ENDOD1: variants seen among roughly 807,000 people sequenced by gnomAD.
The protein encoded by ENDOD1 is endonuclease domain-containing 1 protein.
Under a neutral mutation model 6.5 loss-of-function variants are expected in ENDOD1, and 9 were observed. The ratio of observed to expected loss-of-function variants is 1.39; its 90% CI spans 0.84 to 2.43. ENDOD1 has a LOEUF of 2.43. Among genes scored for constraint, ENDOD1 ranks in the 30% most tolerant of loss-of-function variants. The probability of loss-of-function intolerance (pLI) is 0.00; values close to 1 mark genes in which losing one functional copy is unlikely to be tolerated. For synonymous variants in ENDOD1, 255 were observed against 255.2 expected, an observed-to-expected ratio of 1.00 and a Z score of 0.01; for missense variants, 648 against 635.5, an observed-to-expected ratio of 1.02 and a Z score of -0.21.
chr11:95,128,373 G>T lies in ENDOD1; in HGVS notation c.301-4G>T, dbSNP rs376693169. 6.2e-7 allele frequency: 1 copy of T among 1,608,620 alleles called. No homozygotes were observed. Reference sequence around the variant, plus strand: ...GCATCTCACCACTTGTTTTCTTCTTGCAGATCGATGACCCCAACAGCAACC... The same window carrying T: ...GCATCTCACCACTTGTTTTCTTCTTTCAGATCGATGACCCCAACAGCAACC... On this transcript the variant is annotated splice_polypyrimidine_tract_variant and splice_region_variant and intron_variant, in intron 1 of 1. Transcript: ENST00000278505.
At chr11:95,102,971 T>G (rs570793126) in intron 1 of ENDOD1, among the ~76,000 whole-genome samples, 2 of 152,160 alleles carry the variant, frequency 1.3e-5, no homozygotes, top group Non-Finnish European at 2.9e-5. Flanking sequence ...AGACTCCAAT[T>G]CCATGCCCAG....
At chr11:95,117,137 C>T (rs566139456) in intron 1 of ENDOD1, among the ~76,000 whole-genome samples, 5 of 152,170 alleles carry the variant, frequency 3.3e-5, no homozygotes, top group Non-Finnish European at 4.4e-5. Flanking sequence ...AGGTTGGGCA[C>T]GGTGGCTCAT....
intron 1 of ENDOD1, among the ~76,000 whole-genome samples, chr11:95,108,337 C>G (rs1441521883): frequency 6.6e-6 from 1 of 152,098 alleles, no homozygotes; most frequent in African/African-American, 2.4e-5. Flanking sequence ...CAGGCCAGAG[C>G]TGGAAATGCG....
At position 95,097,918 on chromosome 11, in the gene ENDOD1, A is replaced by G. The variant is rs563977708; in HGVS notation, c.300+7691A>G. Among the ~76,000 whole-genome samples the G allele has an allele frequency of 5.3e-5, 8 of 152,322 alleles. No homozygotes were observed. In the East Asian group the frequency reaches 7.7e-4, roughly 15 times the overall value. The stretch of plus-strand genomic sequence containing the variant: ...CCATATCAAGAACTCGCTTTTGTTC[A>G]TAAGAGCAAGAATATAATACTGGTT... On this transcript the variant is annotated intron_variant, in intron 1 of 1. Coordinates refer to ENST00000278505, the MANE Select transcript of ENDOD1 (RefSeq NM_015036.3).
chr11:95,096,801 A>G (rs1447625176), intron 1 of ENDOD1, among the ~76,000 whole-genome samples: 2 of 152,214 alleles, frequency 1.3e-5, no homozygotes, highest in Non-Finnish European at 1.5e-5. Context: ...AGCAGTGGTT[A>G]CAGACAAAAA....
chr11:95,091,943 A>G (rs1259371168), intron 1 of ENDOD1, among the ~76,000 whole-genome samples: 2 of 152,206 alleles, frequency 1.3e-5, no homozygotes, highest in African/African-American at 4.8e-5. Context: ...ATGAGTTACC[A>G]TATATAAAGT....
At chr11:95,107,122 T>G (rs1433490461) in intron 1 of ENDOD1, among the ~76,000 whole-genome samples, 1 of 152,042 alleles carries the variant, frequency 6.6e-6, no homozygotes, top group East Asian at 2.0e-4. Context: ...ACAATCGTAT[T>G]AGAATCACCT....
At chr11:95,118,456 C>T (rs578123808) in intron 1 of ENDOD1, among the ~76,000 whole-genome samples, 2 of 152,136 alleles carry the variant, frequency 1.3e-5, no homozygotes, top group African/African-American at 4.8e-5. Flanking sequence ...TAGTTTTTTT[C>T]GTTCAGCACT....
chr11:95,111,724 C>T (rs959757176), intron 1 of ENDOD1, among the ~76,000 whole-genome samples: 8 of 152,124 alleles, frequency 5.3e-5, no homozygotes, highest in African/African-American at 1.9e-4. Flanking sequence ...ATAGATGAAA[C>T]TTCGCTTGCT....
rs775480539 is a variant in ENDOD1, at chr11:95,130,010, T to TA, written c.*441dup. On this transcript the variant is annotated 3_prime_UTR_variant, in exon 2 of 2. Coordinates refer to ENST00000278505, the MANE Select transcript of ENDOD1 (RefSeq NM_015036.3). ...CTTTGTGATTTAAGGCAAAACAGAT[T>TA]AAAAAAAAAATCTGCAGCCAATTTC... 2.6e-4 allele frequency: 39 copies of TA among 152,056 alleles called. No homozygotes were observed. Among genetic ancestry groups the TA allele is most frequent in the Admixed American group, 5.3e-4 (8 of 15,234 alleles). 9.4% of individuals were successfully genotyped at this position (152,056 alleles called of 1,614,324 possible). A position where few individuals can be genotyped will look rare whatever the true frequency, so the allele number is the denominator to read the frequency against.
chr11:95,117,407 T>C (rs149833268), intron 1 of ENDOD1, among the ~76,000 whole-genome samples: 2,419 of 152,298 alleles, frequency 0.016, 61 homozygotes, highest in African/African-American at 0.055. Context: ...AGACTCTGTC[T>C]CAAAAACAAA....
chr11:95,113,528 C>T (rs1236725302), intron 1 of ENDOD1, among the ~76,000 whole-genome samples: 1 of 152,136 alleles, frequency 6.6e-6, no homozygotes, highest in Non-Finnish European at 1.5e-5. Flanking sequence ...GCTTATTTCA[C>T]TTAATGTAAT....
chr11:95,096,882 G>A (rs945674050), intron 1 of ENDOD1, among the ~76,000 whole-genome samples: 1 of 152,326 alleles, frequency 6.6e-6, no homozygotes, highest in Middle Eastern at 3.4e-3. Context: ...AAGACAAGGT[G>A]CCAAGCATGG....
chr11:95,109,866 C>G (rs566169677), intron 1 of ENDOD1, among the ~76,000 whole-genome samples: 18 of 152,368 alleles, frequency 1.2e-4, no homozygotes, highest in African/African-American at 4.3e-4. Context: ...GGGCCCATGC[C>G]CACCTGGATT....
chr11:95,098,696 GT>G (rs797035485), intron 1 of ENDOD1, among the ~76,000 whole-genome samples: 298 of 148,070 alleles, frequency 2.0e-3, no homozygotes, highest in African/African-American at 6.1e-3. Context: ...CTTTTCTAGT[GT>G]TTTTTTTTTC....
intron 1 of ENDOD1, among the ~76,000 whole-genome samples, chr11:95,126,402 ATTT>A (rs937263918): frequency 1.2e-4 from 19 of 152,182 alleles, no homozygotes; most frequent in African/African-American, 3.9e-4. Context: ...TTAGGTTTGT[ATTT>A]TTTTATTTCC....
chr11:95,115,692 T>C (rs1555112432), intron 1 of ENDOD1, among the ~76,000 whole-genome samples: 1 of 152,128 alleles, frequency 6.6e-6, no homozygotes, highest in Admixed American at 6.5e-5. Context: ...AGGTCTTTTA[T>C]TGTGAAGAGA....
chr11:95,120,771 C>T (rs1341699194), intron 1 of ENDOD1, among the ~76,000 whole-genome samples: 6 of 152,098 alleles, frequency 3.9e-5, no homozygotes, highest in African/African-American at 1.4e-4. Flanking sequence ...GCCTAGACTG[C>T]CTTTCATGTT....
chr11:95,113,110 A>G (rs1170659380), intron 1 of ENDOD1, among the ~76,000 whole-genome samples: 1 of 151,928 alleles, frequency 6.6e-6, no homozygotes, highest in African/African-American at 2.4e-5. Context: ...CAGGCATGGA[A>G]TGGTACATAG....
Sources: gnomAD v4.1 joint callset for allele counts (sites outside exome capture counted in the v4.1 genomes callset) on GRCh38, gnomAD v4.1.1 for gene constraint, MANE v1.5 for transcripts, NCBI Gene and HGNC (gene_info 2026-07-23, HGNC 2026-07-21) for gene names.